The following AFF2 variants were observed in gnomAD, a reference collection of about 807,000 sequenced individuals.
AFF2 encodes the protein AF4/FMR2 family member 2.
A neutral mutation model predicts 76.9 loss-of-function variants in AFF2; 14 were observed. That is an observed-to-expected ratio of 0.18 (90% CI 0.12 to 0.28). AFF2 has a LOEUF of 0.28. Among genes scored for constraint, AFF2 ranks in the 10% least tolerant of loss-of-function variants. AFF2 has a pLI of 1.00. For missense variants in AFF2, 868 were observed against 1,001.1 expected, an observed-to-expected ratio of 0.87 and a Z score of 1.79; for synonymous variants, 398 against 366.7, an observed-to-expected ratio of 1.09 and a Z score of -0.98.
At chrX:148,763,272 C>T (rs1272279605) in intron 3 of AFF2, among the ~76,000 whole-genome samples, 13 of 111,570 alleles carry the variant, frequency 1.2e-4, no homozygotes, top group East Asian at 2.8e-4. Context: ...GGCTTTTCCA[C>T]GGGAGTACAA....
chrX:148,526,742 T>C (rs781988452), intron 1 of AFF2, among the ~76,000 whole-genome samples: 1 of 111,682 alleles, frequency 9.0e-6, no homozygotes, highest in Non-Finnish European at 1.9e-5. Context: ...TCTATTTCTA[T>C]ATCTGTTCAT....
chrX:148,799,983 G>A (rs955693421), intron 3 of AFF2, among the ~76,000 whole-genome samples: 5 of 111,734 alleles, frequency 4.5e-5, no homozygotes, highest in Admixed American at 2.9e-4. Context: ...CTTAGCTATC[G>A]TTTCATTTTA....
intron 3 of AFF2, among the ~76,000 whole-genome samples, chrX:148,695,303 C>T (rs1445947265): frequency 8.9e-6 from 1 of 112,066 alleles, no homozygotes; most frequent in Non-Finnish European, 1.9e-5. Flanking sequence ...TTGCTGACAC[C>T]TGGTCATGAT....
chrX:148,931,072 G>T (rs2071706711), intron 9 of AFF2, among the ~76,000 whole-genome samples: 1 of 109,227 alleles, frequency 9.2e-6, no homozygotes, highest in Admixed American at 9.7e-5. Context: ...GGGTAACATG[G>T]TGAAACCCCG....
At chrX:148,915,552 G>C (rs925222789) in intron 9 of AFF2, among the ~76,000 whole-genome samples, 6 of 112,476 alleles carry the variant, frequency 5.3e-5, no homozygotes, top group Non-Finnish European at 9.4e-5. Context: ...GCCTGGCAAA[G>C]GGAGCTCAGG....
intron 1 of AFF2, among the ~76,000 whole-genome samples, chrX:148,592,802 C>T (rs1455026234): frequency 8.9e-6 from 1 of 111,891 alleles, no homozygotes; most frequent in Non-Finnish European, 1.9e-5. Flanking sequence ...CTAAGTGCCT[C>T]ATCAGCAGGG....
intron 7 of AFF2, among the ~76,000 whole-genome samples, chrX:148,879,258 A>T (rs190597606): frequency 9.0e-6 from 1 of 111,614 alleles, no homozygotes; most frequent in East Asian, 2.8e-4. Flanking sequence ...TTTTATTCCC[A>T]TTGCATAGAA....
At chrX:148,601,419 T>C (rs2053625575) in intron 1 of AFF2, among the ~76,000 whole-genome samples, 1 of 111,783 alleles carries the variant, frequency 8.9e-6, no homozygotes, top group Admixed American at 9.5e-5. Flanking sequence ...CGTCAATGAA[T>C]TTATCCCAAA....
chrX:148,940,580 C>T (rs1420219260), intron 9 of AFF2, among the ~76,000 whole-genome samples: 1 of 111,813 alleles, frequency 8.9e-6, no homozygotes, highest in Non-Finnish European at 1.9e-5. Context: ...CATCACAGGT[C>T]CTGCCAGTTC....
At chrX:148,835,195 G>C (rs889878512) in intron 4 of AFF2, among the ~76,000 whole-genome samples, 2 of 110,944 alleles carry the variant, frequency 1.8e-5, no homozygotes, top group Non-Finnish European at 3.8e-5. Context: ...AAACCCAGAG[G>C]CACACCTCTA....
intron 1 of AFF2, among the ~76,000 whole-genome samples, chrX:148,620,158 G>T (rs1200758783): frequency 2.7e-5 from 3 of 110,838 alleles, no homozygotes; most frequent in Non-Finnish European, 3.8e-5. Context: ...TCTTAGGGAA[G>T]AGTGTCTTGG....
intron 3 of AFF2, among the ~76,000 whole-genome samples, chrX:148,809,453 G>A (rs2070176537): frequency 8.9e-6 from 1 of 112,347 alleles, no homozygotes; most frequent in East Asian, 2.8e-4. Flanking sequence ...TAGGTGCCTA[G>A]TTGGACTCCC....
At chrX:148,791,804 A>T (rs2069898730) in intron 3 of AFF2, among the ~76,000 whole-genome samples, 2 of 111,547 alleles carry the variant, frequency 1.8e-5, no homozygotes, top group Admixed American at 1.9e-4. Context: ...TAATAATCTT[A>T]TCTTGCTTAT....
At chrX:148,646,172 A>G (rs782656934) in intron 1 of AFF2, among the ~76,000 whole-genome samples, 42 of 98,271 alleles carry the variant, frequency 4.3e-4, no homozygotes, top group Non-Finnish European at 8.2e-4. Context: ...CTAAAAGTGT[A>G]CAGAGCCTCT....
intron 17 of AFF2, among the ~76,000 whole-genome samples, 179 bp downstream of exon 17, chrX:148,978,183 C>T (rs2072349651): frequency 8.9e-6 from 1 of 112,689 alleles, no homozygotes; most frequent in African/African-American, 3.2e-5. Flanking sequence ...AACTTATACC[C>T]TTATCAAAAT....
chrX:148,615,649 A>G (rs993325944), intron 1 of AFF2, among the ~76,000 whole-genome samples: 7 of 111,879 alleles, frequency 6.3e-5, no homozygotes, highest in Non-Finnish European at 1.1e-4. Flanking sequence ...TCCTCCCTTG[A>G]AGGATAAATA....
chrX:148,917,830 C>T (rs1156745934), intron 9 of AFF2, among the ~76,000 whole-genome samples: 1 of 112,306 alleles, frequency 8.9e-6, no homozygotes, highest in Admixed American at 9.4e-5. Flanking sequence ...TTGGTCACAT[C>T]TCAGTGATGG....
At chrX:148,983,202 G>A (rs182779541) in intron 19 of AFF2, among the ~76,000 whole-genome samples, 2 of 112,156 alleles carry the variant, frequency 1.8e-5, no homozygotes, top group Admixed American at 1.9e-4. Flanking sequence ...CAACAATTTC[G>A]AATGTCACAG....
chrX:148,545,730 GAGGGCTTAAATAAATTAAAAAAAAA>G (rs1277138867), intron 1 of AFF2, among the ~76,000 whole-genome samples: 1 of 109,533 alleles, frequency 9.1e-6, no homozygotes, highest in East Asian at 2.9e-4. Context: ...GAGTTACCTG[GAGGGCTTAAATAAATTAAAAAAAAA>G]AGAGTCACCT....
Sources: gnomAD v4.1 joint callset for allele counts (sites outside exome capture counted in the v4.1 genomes callset) on GRCh38, gnomAD v4.1.1 for gene constraint, MANE v1.5 for transcripts, NCBI Gene and HGNC (gene_info 2026-07-23, HGNC 2026-07-21) for gene names.